Variants in PSMA8 observed in about 807,000 individuals in gnomAD.
PSMA8 encodes the protein proteasome subunit alpha-type 8.
Under a neutral mutation model 32.4 loss-of-function variants are expected in PSMA8, and 18 were observed. The observed-to-expected ratio is 0.56, with a 90% CI of 0.38 to 0.82. The LOEUF is 0.82. PSMA8 is among the 40% of genes least tolerant of loss of function. PSMA8 has a pLI of 0.00. For missense variants in PSMA8, 298 were observed against 300.7 expected (o/e 0.99, Z 0.07); for synonymous variants, 104 against 98.1 (o/e 1.06, Z -0.36).
chr18:26,141,673 C>T (rs8095307), intron 1 of PSMA8, among the ~76,000 whole-genome samples: 16,011 of 147,388 alleles, frequency 0.11, 1,390 homozygotes, highest in African/African-American at 0.23. Flanking sequence ...AGAACAAAAG[C>T]GTAGTTCTTT....
chr18:26,140,438 A>G (rs994262105), intron 1 of PSMA8, among the ~76,000 whole-genome samples: 1 of 152,206 alleles, frequency 6.6e-6, no homozygotes, highest in East Asian at 1.9e-4. Context: ...GGTGATGTGG[A>G]TAATGTCAAA....
At chr18:26,190,247 C>T (rs1465930253) in intron 6 of PSMA8, among the ~76,000 whole-genome samples, 1 of 151,982 alleles carries the variant, frequency 6.6e-6, no homozygotes, top group Non-Finnish European at 1.5e-5. Flanking sequence ...TAACTATAGT[C>T]AATAACAATT....
At chr18:26,182,604 G>A (rs1026975276) in intron 6 of PSMA8, among the ~76,000 whole-genome samples, 7 of 152,274 alleles carry the variant, frequency 4.6e-5, no homozygotes, top group East Asian at 1.9e-4. Flanking sequence ...TAATGTTTTC[G>A]TGCCTGCTAA....
chr18:26,178,770 A>G, intron 4 of PSMA8, 60 bp from the exon 5 acceptor site: 1 of 1,486,648 alleles, frequency 6.7e-7, no homozygotes. Flanking sequence ...AACTTTACTT[A>G]GTAACCATAA....
At chr18:26,158,008 T>C in intron 3 of PSMA8, 114 bp from the exon 4 acceptor site, 1 of 700,524 alleles carries the variant, frequency 1.4e-6, no homozygotes, top group Non-Finnish European at 2.3e-6. Flanking sequence ...AGATCATTAA[T>C]ATATGTCGAA....
intron 6 of PSMA8, among the ~76,000 whole-genome samples, chr18:26,191,825 A>C (rs1216620572): frequency 6.6e-6 from 1 of 152,192 alleles, no homozygotes; most frequent in African/African-American, 2.4e-5. Flanking sequence ...CAGAAAATCA[A>C]ACTACACTGC....
rs2055243616 is a variant in PSMA8 at position 26,173,775 on chromosome 18, C to CA, written c.478-5052dup. Among the ~76,000 whole-genome samples, 6 of 152,112 alleles carry CA rather than the reference C, an allele frequency of 3.9e-5. No individual in the cohort carries two copies. The South Asian group carries it at 1.2e-3, about 32-fold the overall frequency. Reference sequence around the variant, plus strand: ...TTCTTCATGTTGGTCAGGCTGGTCTCAAACTCCTGACCTCAGGTGATCCAC... The same window carrying CA: ...TTCTTCATGTTGGTCAGGCTGGTCTCAAAACTCCTGACCTCAGGTGATCCAC... On this transcript the variant is annotated intron_variant, in intron 4 of 6. Transcript: ENST00000415576.
At chr18:26,180,921 C>G (rs907728190) in intron 6 of PSMA8, among the ~76,000 whole-genome samples, 7 of 152,184 alleles carry the variant, frequency 4.6e-5, no homozygotes, top group Non-Finnish European at 1.0e-4. Context: ...GCAAATTGCT[C>G]TCATCTTCAG....
intron 6 of PSMA8, among the ~76,000 whole-genome samples, chr18:26,185,168 A>C (rs867191035): frequency 6.6e-6 from 1 of 150,582 alleles, no homozygotes; most frequent in South Asian, 2.1e-4. Context: ...CTCCTTGGAA[A>C]AAAATTAGTT....
At chr18:26,181,179 TTTTTCA>T (rs2055308125) in intron 6 of PSMA8, among the ~76,000 whole-genome samples, 1 of 152,208 alleles carries the variant, frequency 6.6e-6, no homozygotes, top group African/African-American at 2.4e-5. Context: ...TATTTCAGAC[TTTTTCA>T]TTATTATTAT....
chr18:26,176,279 G>C lies in PSMA8; in HGVS notation c.478-2551G>C, dbSNP rs2055263415. On this transcript the variant is annotated intron_variant, in intron 4 of 6. Coordinates refer to ENST00000415576, the MANE Select transcript of PSMA8 (RefSeq NM_001025096.2). ...TGTGCAGGGTGACTTTAAAGGCCCA[G>C]TGAAGTTTTTGGATAAACCACTACC... Among the ~76,000 whole-genome samples, 2 of 152,188 alleles carry C rather than the reference G, an allele frequency of 1.3e-5. 1 individual carries two copies. Among genetic ancestry groups the C allele is most frequent in the South Asian group, 4.1e-4 (2 of 4,836 alleles).
rs2054987376 is a variant in PSMA8, at chr18:26,144,634, A to G, written c.178A>G (p.Thr60Ala). 1 of 1,613,966 alleles carries G rather than the reference A, an allele frequency of 6.2e-7. No individual in the cohort carries two copies. The highest frequency in any genetic ancestry group is 1.7e-5 in the Admixed American group (1 of 60,018). ...KSVAKLQDER[T>A]VRKICALDDH... ...TGTTGCCAAGCTTCAAGATGAAAGA[A>G]CTGTGAGGAAAATTTGTGCCCTTGA... The change falls in exon 2 of 7, where the codon ACT becomes GCT. Residue 60 changes from threonine to alanine, a missense_variant. Thr to Ala is a moderately conservative substitution (Grantham distance 58). Transcript: ENST00000415576.
In PSMA8 at chr18:26,143,466, T is replaced by A. The variant is rs573685274; in HGVS notation, c.103-1093T>A. Reference sequence around the variant, plus strand: ...TTGGATAGGCAGATTGGAAAATGAATGAATGAATACAAATTATTATAAAAT... The same window carrying A: ...TTGGATAGGCAGATTGGAAAATGAAAGAATGAATACAAATTATTATAAAAT... On this transcript the variant is annotated intron_variant, in intron 1 of 6. Transcript: ENST00000415576. Among the ~76,000 whole-genome samples the A allele has an allele frequency of 3.9e-5, 6 of 152,198 alleles. No individual in the cohort carries two copies. In the South Asian group the frequency reaches 1.2e-3, roughly 32 times the overall value.
chr18:26,166,053 G>A (rs1342309414), intron 4 of PSMA8, among the ~76,000 whole-genome samples: 3 of 152,138 alleles, frequency 2.0e-5, no homozygotes, highest in Non-Finnish European at 2.9e-5. Flanking sequence ...AGTGAGCCAA[G>A]GTCCTGCCAT....
At chr18:26,155,075 A>C (rs1023385427) in intron 3 of PSMA8, among the ~76,000 whole-genome samples, 1 of 152,086 alleles carries the variant, frequency 6.6e-6, no homozygotes, top group Admixed American at 6.6e-5. Flanking sequence ...TCTCTACAAA[A>C]AATAAAAAAA....
intron 1 of PSMA8, among the ~76,000 whole-genome samples, chr18:26,136,808 A>AT (rs998501495): frequency 6.6e-6 from 1 of 152,216 alleles, no homozygotes; most frequent in Admixed American, 6.5e-5. Context: ...TATACAGTAG[A>AT]GGGGCTAGGA....
rs372177106 is a variant in PSMA8 at position 26,151,854 on chromosome 18, A to G, written c.230-4A>G. The G allele has an allele frequency of 4.4e-5, 70 of 1,583,752 alleles. No individual in the cohort carries two copies. In the Middle Eastern group the frequency reaches 1.9e-3, roughly 42 times the overall value. ...TTTTTGTGAAGTTTTGACAATTTTT[A>G]TAGGACTTACTGCTGATGCTAGAGT... On this transcript the variant is annotated splice_region_variant and splice_polypyrimidine_tract_variant and intron_variant, in intron 2 of 6. Transcript: ENST00000415576.
chr18:26,187,563 T>C (rs2055366284), intron 6 of PSMA8, among the ~76,000 whole-genome samples: 1 of 150,584 alleles, frequency 6.6e-6, no homozygotes, highest in Admixed American at 6.6e-5. Context: ...AAGACAAACA[T>C]AGACTGAAAA....
intron 1 of PSMA8, among the ~76,000 whole-genome samples, chr18:26,142,782 A>G (rs1258000549): frequency 6.6e-6 from 1 of 152,190 alleles, no homozygotes; most frequent in Non-Finnish European, 1.5e-5. Context: ...GAAAGCGCAA[A>G]CAAGCTCTCT....
Sources: gnomAD v4.1 joint callset for allele counts (sites outside exome capture counted in the v4.1 genomes callset) on GRCh38, gnomAD v4.1.1 for gene constraint, MANE v1.5 for transcripts, NCBI Gene and HGNC (gene_info 2026-07-23, HGNC 2026-07-21) for gene names.